The following CPSF2 variants were observed in gnomAD, a reference collection of about 807,000 sequenced individuals.
CPSF2 encodes the protein cleavage and polyadenylation specificity factor subunit 2.
A neutral mutation model predicts 84.2 loss-of-function variants in CPSF2; 51 were observed. The observed-to-expected ratio is 0.61, with a 90% CI of 0.48 to 0.77. The LOEUF is 0.77. CPSF2 is among the 30% of genes least tolerant of loss of function. CPSF2 has a pLI of 0.00. For synonymous variants in CPSF2, 286 were observed against 311.9 expected, an observed-to-expected ratio of 0.92 and a Z score of 0.87; for missense variants, 641 against 929.4, an observed-to-expected ratio of 0.69 and a Z score of 4.03.
chr14:92,137,205 A>C (rs994122825), intron 6 of CPSF2, among the ~76,000 whole-genome samples: 2 of 151,990 alleles, frequency 1.3e-5, no homozygotes, highest in Non-Finnish European at 1.5e-5. Context: ...AATTATTATT[A>C]TTCTTATTTA....
chr14:92,150,427 T>TTG (rs202177379), intron 9 of CPSF2, among the ~76,000 whole-genome samples: 1,814 of 151,564 alleles, frequency 0.012, 37 homozygotes, highest in African/African-American at 0.041. Flanking sequence ...AGGCCCTGTT[T>TTG]TGTGTGTGTG....
At chr14:92,142,089 G>T in intron 7 of CPSF2, 75 bp from the exon 8 acceptor site, 1 of 1,117,988 alleles carries the variant, frequency 8.9e-7, no homozygotes, top group Non-Finnish European at 1.3e-6. Flanking sequence ...ATAAAAACAG[G>T]GAGATAAAAT....
chr14:92,125,963 C>T (rs2141448301), intron 1 of CPSF2, among the ~76,000 whole-genome samples, 159 bp from the exon 2 acceptor site: 1 of 152,162 alleles, frequency 6.6e-6, no homozygotes, highest in Admixed American at 6.5e-5. Flanking sequence ...CTTAAGATTC[C>T]TAAAATTAAT....
intron 12 of CPSF2, 35 bp downstream of exon 12, chr14:92,156,666 TA>T (rs762183249): frequency 2.1e-5 from 30 of 1,411,770 alleles, no homozygotes; most frequent in Non-Finnish European, 2.8e-5. Context: ...AAATAGATTA[TA>T]AGATAAAATT....
chr14:92,159,322 TG>T, intron 14 of CPSF2, 40 bp downstream of exon 14: 1 of 1,501,006 alleles, frequency 6.7e-7, no homozygotes, highest in Non-Finnish European at 9.0e-7. Flanking sequence ...TTCCTGAATT[TG>T]TCATCCTTCT....
chr14:92,161,769 G>T lies in CPSF2; in HGVS notation c.*25G>T, dbSNP rs2069376183. Reference sequence around the variant, plus strand: ...AAGGACATGATGTCAAGAAGTATCTGCTTGACCTTTCTAAGAAAAAGGGAT... The same window carrying T: ...AAGGACATGATGTCAAGAAGTATCTTCTTGACCTTTCTAAGAAAAAGGGAT... On this transcript the variant is annotated 3_prime_UTR_variant, in exon 16 of 16. Coordinates refer to ENST00000298875, the MANE Select transcript of CPSF2 (RefSeq NM_017437.3). The T allele has an allele frequency of 7.0e-6, 9 of 1,288,428 alleles. No individual in the cohort carries two copies. Among genetic ancestry groups the T allele is most frequent in the Non-Finnish European group, 8.6e-6 (8 of 925,312 alleles). The allele number at this position is 1,288,428 out of a possible 1,614,324, so 79.8% of individuals were successfully genotyped here.
Position 92,168,882 on chromosome 14 carries a change from T to C in CPSF2, c.*7138T>C, listed in dbSNP as rs915644275. 1 of 152,180 alleles carries C rather than the reference T, an allele frequency of 6.6e-6. No homozygotes were observed. The highest frequency in any genetic ancestry group is 2.4e-5 in the African/African-American group (1 of 41,460). The allele number at this position is 152,180 out of a possible 1,614,324, so 9.4% of individuals were successfully genotyped here. ...ATCCATCTCTCTTTCTCTCTCCATATAGTCAAAGAGAACCAAAAATGTATG... is the reference window on the plus strand; with the variant it reads ...ATCCATCTCTCTTTCTCTCTCCATACAGTCAAAGAGAACCAAAAATGTATG... On this transcript the variant is annotated 3_prime_UTR_variant, in exon 16 of 16. Coordinates refer to ENST00000298875, the MANE Select transcript of CPSF2 (RefSeq NM_017437.3).
In CPSF2 at chr14:92,157,825, G is replaced by A; in HGVS notation, c.1762G>A (p.Val588Met). ...CRAFGGKDIKVYMPKLHETVD... is the reference protein window; with the variant it reads ...CRAFGGKDIKMYMPKLHETVD... ...CGCCTTTGGTGGGAAAGATATTAAAGTGTACATGCCAAAGCTACATGAAAC... is the reference window on the plus strand; with the variant it reads ...CGCCTTTGGTGGGAAAGATATTAAAATGTACATGCCAAAGCTACATGAAAC... The change falls in exon 13 of 16, where the codon GTG (valine) becomes ATG (methionine). Residue 588 changes from valine to methionine, a missense_variant. Physicochemically the swap from Val to Met is conservative, Grantham distance 21. This residue lies in a region of CPSF2 where 430 missense variants were observed against 553.6 expected (regional missense o/e 0.78). Coordinates refer to ENST00000298875, the MANE Select transcript of CPSF2 (RefSeq NM_017437.3). This position sits in a 1 kb window ranked among gnomAD's most constrained non-coding sequence, Gnocchi z 4.0. 1.2e-6 allele frequency: 2 copies of A among 1,614,208 alleles called. No homozygotes were observed. The highest frequency in any genetic ancestry group is 1.1e-5 in the South Asian group (1 of 91,092).
intron 1 of CPSF2, among the ~76,000 whole-genome samples, chr14:92,125,823 A>G (rs540160808): frequency 5.9e-5 from 9 of 152,092 alleles, no homozygotes; most frequent in African/African-American, 2.2e-4. Flanking sequence ...GTTTCTACCC[A>G]TGTCTTACCA....
In CPSF2 at chr14:92,138,291, C is replaced by A; in HGVS notation, c.605C>A (p.Ser202Ter). Residue 202 changes from serine to a stop codon, truncating the protein, a stop_gained, in exon 7 of 16, where the codon TCA (serine) becomes TAA (stop). Transcript: ENST00000298875. LOFTEE classifies it high-confidence loss of function. ...LSRPSLLITDSFNATYVQPRR... is the reference protein window; with the variant it reads ...LSRPSLLITD ...AGGCCTTCCCTACTTATCACAGATT[C>A]ATTCAATGCTACATATGTACAGCCT... The A allele has an allele frequency of 6.2e-7, 1 of 1,608,800 alleles. No homozygotes were observed. The highest frequency in any genetic ancestry group is 8.5e-7 in the Non-Finnish European group (1 of 1,177,998).
rs544176521 is a variant in CPSF2, at chr14:92,162,867, A to T, written c.*1123A>T. On this transcript the variant is annotated 3_prime_UTR_variant, in exon 16 of 16. Coordinates refer to ENST00000298875, the MANE Select transcript of CPSF2 (RefSeq NM_017437.3). The stretch of plus-strand genomic sequence containing the variant: ...TGTAATCCATTAATGCTTTTTTAGA[A>T]TGGCAGACCTTGATGTTTATTTCTC... 1 of 152,132 alleles carries T rather than the reference A, an allele frequency of 6.6e-6. No homozygotes were observed. Among genetic ancestry groups the T allele is most frequent in the Non-Finnish European group, 1.5e-5 (1 of 68,026 alleles). 9.4% of individuals were successfully genotyped at this position (152,132 alleles called of 1,614,324 possible). A position where few individuals can be genotyped will look rare whatever the true frequency, so the allele number is the denominator to read the frequency against.
intron 9 of CPSF2, 94 bp downstream of exon 9, chr14:92,143,388 T>C (rs184725028): frequency 1.1e-6 from 1 of 893,498 alleles, no homozygotes; most frequent in Admixed American, 2.8e-5. Flanking sequence ...AAACTTGAAA[T>C]TGTTTTAGGA....
chr14:92,135,459 A>G lies in CPSF2; in HGVS notation c.508A>G (p.Ile170Val). The G allele has an allele frequency of 1.2e-6, 2 of 1,613,734 alleles. No individual in the cohort carries two copies. Among genetic ancestry groups the G allele is most frequent in the Admixed American group, 1.7e-5 (1 of 59,972 alleles). The change falls in exon 6 of 16, where the codon ATT becomes GTT. Residue 170 changes from isoleucine (I) to valine (V), a missense_variant. Transcript: ENST00000298875. ...WKIVKDGEEE[I>V]VYAVDFNHKR... is the part of the protein sequence containing the mutation. ...AATAGTCAAAGATGGAGAAGAAGAA[A>G]TTGTTTATGCAGTTGACTTCAACCA... is the stretch of plus-strand genomic sequence containing the variant.
At chr14:92,140,323 T>C (rs888875337) in intron 7 of CPSF2, among the ~76,000 whole-genome samples, 3 of 152,060 alleles carry the variant, frequency 2.0e-5, no homozygotes, top group Non-Finnish European at 4.4e-5. Context: ...ACACTGTGGT[T>C]CACGCCTGAC....
intron 9 of CPSF2, 42 bp from the exon 10 acceptor site, chr14:92,154,316 T>C: frequency 6.9e-7 from 1 of 1,453,138 alleles, no homozygotes. Context: ...CCCCCTAATA[T>C]TAACATATTA....
chr14:92,129,139 AG>A (rs1377773626), intron 2 of CPSF2, among the ~76,000 whole-genome samples: 2 of 152,180 alleles, frequency 1.3e-5, no homozygotes, highest in South Asian at 2.1e-4. Flanking sequence ...TTTCAAGTAC[AG>A]GGGGTACAAG....
rs2069443388 is a variant in CPSF2, at chr14:92,166,044, T to G, written c.*4300T>G. ...CCTGGCTAAATTTTTGTATTTTTAG[T>G]AAAGACATGGTTTTGCCATGTTGGC... On this transcript the variant is annotated 3_prime_UTR_variant, in exon 16 of 16. Transcript: ENST00000298875. The G allele has an allele frequency of 6.6e-6, 1 of 151,424 alleles. No homozygotes were observed. The highest frequency in any genetic ancestry group is 2.1e-4 in the South Asian group (1 of 4,776). The allele number at this position is 151,424 out of a possible 1,614,324, so 9.4% of individuals were successfully genotyped here. A position where few individuals can be genotyped will look rare whatever the true frequency, so the allele number is the denominator to read the frequency against.
At chr14:92,151,666 A>T (rs1023228644) in intron 9 of CPSF2, among the ~76,000 whole-genome samples, 5 of 152,170 alleles carry the variant, frequency 3.3e-5, no homozygotes, top group Non-Finnish European at 7.3e-5. Context: ...ATTGCAAGAG[A>T]CTGAATGGAG....
chr14:92,139,539 CTTTTT>C (rs751552254), intron 7 of CPSF2, among the ~76,000 whole-genome samples: 3 of 136,642 alleles, frequency 2.2e-5, no homozygotes, highest in Admixed American at 7.4e-5. Context: ...ATCTTACATT[CTTTTT>C]TTTTTTTTTT....
Sources: allele counts gnomAD v4.1 joint callset (sites outside exome capture counted in the v4.1 genomes callset), GRCh38; gene constraint gnomAD v4.1.1; regional missense constraint gnomAD v4.1.1; non-coding constraint Gnocchi (gnomAD v3.1); transcripts MANE v1.5; gene names NCBI Gene and HGNC (gene_info 2026-07-23, HGNC 2026-07-21).